Variants in SLC25A21 observed in about 807,000 individuals in gnomAD.
SLC25A21 encodes solute carrier family 25 member 21.
SLC25A21 carries 47 observed loss-of-function variants against 43.8 expected under a neutral mutation model. That is an observed-to-expected ratio of 1.07 (90% CI 0.85 to 1.37). The LOEUF (loss-of-function observed/expected upper bound fraction) is 1.37. SLC25A21 is among the 40% of genes most tolerant of loss of function. The pLI is 0.00. For synonymous variants in SLC25A21, 131 were observed against 121.3 expected, an observed-to-expected ratio of 1.08 and a Z score of -0.52; for missense variants, 352 against 350.2, an observed-to-expected ratio of 1.00 and a Z score of -0.04.
At chr14:36,730,958 G>C (rs1310726986) in intron 4 of SLC25A21, among the ~76,000 whole-genome samples, 1 of 149,670 alleles carries the variant, frequency 6.7e-6, no homozygotes, top group African/African-American at 2.5e-5. Flanking sequence ...GGAAGGAAAA[G>C]TGTTATAATC....
At chr14:36,784,546 G>T (rs1334495364) in intron 3 of SLC25A21, among the ~76,000 whole-genome samples, 1 of 152,126 alleles carries the variant, frequency 6.6e-6, no homozygotes, top group African/African-American at 2.4e-5. Context: ...TGAGAGAGCT[G>T]GGCTATAAAT....
intron 1 of SLC25A21, among the ~76,000 whole-genome samples, chr14:36,951,565 T>C (rs1267911271): frequency 1.3e-5 from 2 of 152,128 alleles, no homozygotes; most frequent in African/African-American, 2.4e-5. Flanking sequence ...ACAAAGTCCT[T>C]ATGTCTAAAT....
intron 1 of SLC25A21, among the ~76,000 whole-genome samples, chr14:37,169,740 A>G (rs1409321860): frequency 1.3e-5 from 2 of 152,072 alleles, no homozygotes; most frequent in Non-Finnish European, 2.9e-5. Flanking sequence ...AGTATATATA[A>G]TATGATTAGC....
In SLC25A21 at chr14:36,841,503, C is replaced by T. The variant is rs528805130; in HGVS notation, c.120-27502G>A. On this transcript the variant is annotated intron_variant, in intron 2 of 9. Transcript: ENST00000331299. ...TTTTTTCCCCTTTCTTTTCATTGCT[C>T]GATTATCACCCATTGATCTTCCTTT... Among the ~76,000 whole-genome samples the T allele has an allele frequency of 3.9e-5, 6 of 152,198 alleles. No individual in the cohort carries two copies. In the South Asian group the frequency reaches 8.3e-4, roughly 21 times the overall value.
rs1445721956 is a variant in SLC25A21 at position 37,172,307 on chromosome 14, C to T, written c.44G>A (p.Arg15Gln). The T allele has an allele frequency of 6.2e-7, 1 of 1,601,920 alleles. No homozygotes were observed. Residue 15 changes from arginine (R) to glutamine (Q), a missense_variant, in exon 1 of 10, where the codon CGG (arginine) becomes CAG (glutamine). Physicochemically the swap from Arg to Gln is conservative, Grantham distance 43. Coordinates refer to ENST00000331299, the MANE Select transcript of SLC25A21 (RefSeq NM_030631.4). ...TGCAGAACCACCGGCCACGATCTGC[C>T]GAGAAGCCTCGCGCACTAAGCTGAC... is the stretch of plus-strand genomic sequence containing the variant. The part of the protein sequence containing the change: ...PEVSLVREAS[R>Q]QIVAGGSAGL...
At chr14:36,770,090 T>C (rs1389895712) in intron 3 of SLC25A21, among the ~76,000 whole-genome samples, 1 of 152,180 alleles carries the variant, frequency 6.6e-6, no homozygotes, top group African/African-American at 2.4e-5. Flanking sequence ...GCTCGCACTA[T>C]TCACAATAAC....
chr14:36,978,746 G>C (rs1350504783), intron 1 of SLC25A21, among the ~76,000 whole-genome samples: 2 of 152,058 alleles, frequency 1.3e-5, no homozygotes, highest in Non-Finnish European at 1.5e-5. Flanking sequence ...ATTTAGACTT[G>C]GTTACTCTCA....
intron 3 of SLC25A21, among the ~76,000 whole-genome samples, chr14:36,747,244 T>C (rs1885535788): frequency 6.6e-6 from 1 of 152,198 alleles, no homozygotes; most frequent in Non-Finnish European, 1.5e-5. Flanking sequence ...TTGATGTTAT[T>C]TGTCAGTAAA....
intron 1 of SLC25A21, among the ~76,000 whole-genome samples, chr14:36,971,927 T>A (rs1959759618): frequency 6.6e-6 from 1 of 152,168 alleles, no homozygotes; most frequent in Non-Finnish European, 1.5e-5. Flanking sequence ...AATATTGTGT[T>A]AAGAAGAGGA....
At chr14:36,786,113 C>A (rs1168219440) in intron 3 of SLC25A21, among the ~76,000 whole-genome samples, 1 of 152,120 alleles carries the variant, frequency 6.6e-6, no homozygotes, top group Admixed American at 6.5e-5. Context: ...ATCAGAAACG[C>A]CTGGATTTAT....
chr14:36,774,066 G>A (rs1886725819), intron 3 of SLC25A21, among the ~76,000 whole-genome samples: 1 of 152,152 alleles, frequency 6.6e-6, no homozygotes, highest in African/African-American at 2.4e-5. Context: ...CTTCCTCTAT[G>A]GAGGGAACTT....
intron 3 of SLC25A21, among the ~76,000 whole-genome samples, chr14:36,767,875 C>A (rs1257921569): frequency 1.3e-5 from 2 of 152,170 alleles, no homozygotes; most frequent in Admixed American, 1.3e-4. Context: ...CATTGTCTCA[C>A]CAGTGAGGAG....
intron 7 of SLC25A21, among the ~76,000 whole-genome samples, chr14:36,691,246 G>A (rs1029810468): frequency 4.6e-5 from 7 of 152,150 alleles, no homozygotes; most frequent in African/African-American, 1.4e-4. Flanking sequence ...AACATGCAAG[G>A]AGATCACCTC....
chr14:36,891,791 C>G (rs796218602), intron 1 of SLC25A21, among the ~76,000 whole-genome samples: 3 of 152,232 alleles, frequency 2.0e-5, no homozygotes, highest in African/African-American at 7.2e-5. Context: ...CCCCTTCCCA[C>G]TAACTGGAAC....
intron 1 of SLC25A21, among the ~76,000 whole-genome samples, chr14:36,970,501 T>A (rs985397419): frequency 5.9e-5 from 9 of 152,208 alleles, no homozygotes; most frequent in African/African-American, 1.7e-4. Flanking sequence ...ATCTAACTAA[T>A]TATGAACTAA....
intron 3 of SLC25A21, among the ~76,000 whole-genome samples, chr14:36,788,125 C>T (rs953028987): frequency 2.0e-5 from 3 of 152,118 alleles, no homozygotes; most frequent in Non-Finnish European, 4.4e-5. Context: ...AAAGTCTGGA[C>T]ACATTTACAG....
At chr14:37,137,995 G>A (rs1963511704) in intron 1 of SLC25A21, among the ~76,000 whole-genome samples, 1 of 152,096 alleles carries the variant, frequency 6.6e-6, no homozygotes, top group African/African-American at 2.4e-5. Context: ...TACTTATGTT[G>A]CTTACATTCC....
At chr14:36,949,925 C>T (rs1011731503) in intron 1 of SLC25A21, among the ~76,000 whole-genome samples, 1 of 152,128 alleles carries the variant, frequency 6.6e-6, no homozygotes, top group Admixed American at 6.6e-5. Flanking sequence ...CCAACATGTA[C>T]AAGAAAACTC....
At chr14:37,022,533 C>G (rs967105964) in intron 1 of SLC25A21, among the ~76,000 whole-genome samples, 1 of 151,900 alleles carries the variant, frequency 6.6e-6, no homozygotes, top group Non-Finnish European at 1.5e-5. Flanking sequence ...CTCTCAACAA[C>G]CTCTTAGCAA....
Sources: allele counts gnomAD v4.1 joint callset (sites outside exome capture counted in the v4.1 genomes callset), GRCh38; gene constraint gnomAD v4.1.1; transcripts MANE v1.5; gene names NCBI Gene and HGNC (gene_info 2026-07-23, HGNC 2026-07-21).